Variants in GLT1D1 observed in about 807,000 individuals in gnomAD.
GLT1D1 encodes glycosyltransferase 1 domain-containing protein 1.
In GLT1D1, 21 loss-of-function variants were observed where a neutral mutation model predicts 28.7. The ratio of observed to expected loss-of-function variants is 0.73; its 90% CI spans 0.52 to 1.05. The LOEUF is 1.05. Ranked by LOEUF, GLT1D1 falls within the 50% of genes least tolerant of loss-of-function variation. The pLI, the probability that GLT1D1 is intolerant of heterozygous loss-of-function variation, is 0.00. For missense variants in GLT1D1, 343 were observed against 330.6 expected, an observed-to-expected ratio of 1.04 and a Z score of -0.29; for synonymous variants, 147 against 124.8, an observed-to-expected ratio of 1.18 and a Z score of -1.19.
intron 4 of GLT1D1, among the ~76,000 whole-genome samples, chr12:128,917,929 A>G (rs1422217424): frequency 6.6e-6 from 1 of 152,180 alleles, no homozygotes; most frequent in Non-Finnish European, 1.5e-5. Flanking sequence ...CCACAAAGAT[A>G]CTATTTGACC....
intron 6 of GLT1D1, among the ~76,000 whole-genome samples, chr12:128,947,907 G>A (rs1355994258): frequency 1.3e-5 from 2 of 152,224 alleles, no homozygotes; most frequent in Non-Finnish European, 2.9e-5. Context: ...GGAGACAGGG[G>A]CAGGGTAGTG....
intron 1 of GLT1D1, among the ~76,000 whole-genome samples, chr12:128,866,901 A>C (rs1956543050): frequency 6.6e-6 from 1 of 150,772 alleles, no homozygotes; most frequent in Admixed American, 6.6e-5. Flanking sequence ...GATTACAGGC[A>C]TGAGCCACTG....
intron 2 of GLT1D1, among the ~76,000 whole-genome samples, chr12:128,877,348 T>C (rs773089564): frequency 3.3e-5 from 5 of 152,192 alleles, no homozygotes; most frequent in Non-Finnish European, 5.9e-5. Flanking sequence ...AGGATTAAAT[T>C]TTGGTCAGCA....
chr12:128,939,848 C>CCG lies in GLT1D1; in HGVS notation c.376-5476_376-5475dup, dbSNP rs1874984807. ...CCAAATTGTTAGAAACCCCCCCCCA[C>CCG]CGCCGATCCAATCACCTCCTACCAG... On this transcript the variant is annotated intron_variant, in intron 4 of 7. Transcript: ENST00000281703. Among the ~76,000 whole-genome samples, 2 of 120,724 alleles carry CCG rather than the reference C, an allele frequency of 1.7e-5. 1 individual carries two copies. Among genetic ancestry groups the CCG allele is most frequent in the African/African-American group, 5.7e-5 (2 of 35,274 alleles). The allele number at this position is 120,724 out of a possible 152,430, so 79.2% of individuals were successfully genotyped here. A position where few individuals can be genotyped will look rare whatever the true frequency, so the allele number is the denominator to read the frequency against.
chr12:128,918,689 C>T (rs1872347710), intron 4 of GLT1D1, among the ~76,000 whole-genome samples: 1 of 152,216 alleles, frequency 6.6e-6, no homozygotes, highest in Non-Finnish European at 1.5e-5. Context: ...ATGTCAGTTA[C>T]ATGTACCATT....
At chr12:128,915,096 A>C in intron 4 of GLT1D1, 107 bp downstream of exon 6, 2 of 846,538 alleles carry the variant, frequency 2.4e-6, no homozygotes, top group Non-Finnish European at 3.7e-6. Context: ...TGTCAGAGAG[A>C]ACAAGGTTCA....
At position 128,853,621 on chromosome 12, in the gene GLT1D1, G is replaced by C. The variant is rs781523735; in HGVS notation, c.40G>C (p.Gly14Arg). The C allele has an allele frequency of 1.0e-4, 119 of 1,180,190 alleles. No homozygotes were observed. The highest frequency in any genetic ancestry group is 1.0e-4 in the Non-Finnish European group (96 of 943,164). 73.1% of individuals were successfully genotyped at this position (1,180,190 alleles called of 1,614,324 possible). A position where few individuals can be genotyped will look rare whatever the true frequency, so the allele number is the denominator to read the frequency against. Residue 14 changes from glycine to arginine, a missense_variant, in exon 1 of 8, where the codon GGC becomes CGC. Transcript: ENST00000281703. ...CCTGGCGGTGCTGCGGCCACACACC[G>C]GCAACGCGGTCACGGCCCAGCGCGT... is the stretch of plus-strand genomic sequence containing the variant.
At chr12:128,945,189 C>T in intron 4 of GLT1D1, 137 bp from the exon 9 acceptor site, 2 of 859,636 alleles carry the variant, frequency 2.3e-6, no homozygotes, top group Non-Finnish European at 2.0e-6. Context: ...CACGCAGCAG[C>T]CGCGAGGACA....
chr12:128,874,112 C>CTTCCTTTCTT lies in GLT1D1; in HGVS notation c.69-1801_69-1800insTCCTTTCTTT, dbSNP rs1297129528. 2.8e-4 allele frequency among the ~76,000 whole-genome samples: 16 copies of CTTCCTTTCTT among 57,808 alleles called. 1 individual carries two copies. Among genetic ancestry groups the CTTCCTTTCTT allele is most frequent in the African/African-American group, 1.2e-3 (14 of 11,700 alleles). The allele number at this position is 57,808 out of a possible 152,430, so 37.9% of individuals were successfully genotyped here. On this transcript the variant is annotated intron_variant, in intron 1 of 7. Transcript: ENST00000281703. ...TCTTTCTTTCTTTCTCTCTCTCTCT[C>CTTCCTTTCTT]TCTCTCTCTCTCTCTTTCTTTCTTT...
intron 6 of GLT1D1, among the ~76,000 whole-genome samples, chr12:128,948,958 A>G (rs567825016): frequency 1.3e-5 from 2 of 152,320 alleles, no homozygotes; most frequent in African/African-American, 4.8e-5. Flanking sequence ...TTCAGAGCAC[A>G]AAGTGTGAGT....
At chr12:128,887,494 T>TAC (rs58713965) in intron 2 of GLT1D1, among the ~76,000 whole-genome samples, 2,613 of 145,618 alleles carry the variant, frequency 0.018, 72 homozygotes, top group African/African-American at 0.06. Context: ...TCTATGTGAG[T>TAC]ACACACACAC....
intron 4 of GLT1D1, among the ~76,000 whole-genome samples, chr12:128,917,246 G>A (rs1872192519): frequency 6.6e-6 from 1 of 152,084 alleles, no homozygotes; most frequent in South Asian, 2.1e-4. Context: ...ACCAAGTAGT[G>A]TTAGTCAATA....
At chr12:128,890,376 A>G (rs375394086) in intron 3 of GLT1D1, among the ~76,000 whole-genome samples, 1 of 152,212 alleles carries the variant, frequency 6.6e-6, no homozygotes, top group Non-Finnish European at 1.5e-5. Context: ...TTGACAAGGC[A>G]TACTTAGAAA....
At chr12:128,853,997 G>A (rs115439639) in intron 1 of GLT1D1, among the ~76,000 whole-genome samples, 1,665 of 152,176 alleles carry the variant, frequency 0.011, 39 homozygotes, top group African/African-American at 0.038. Context: ...TGCGCAGCGG[G>A]GTCCGCGGAG....
At chr12:128,895,206 G>C (rs912492798) in intron 3 of GLT1D1, among the ~76,000 whole-genome samples, 1 of 152,018 alleles carries the variant, frequency 6.6e-6, no homozygotes, top group Non-Finnish European at 1.5e-5. Context: ...TAGAAACTAA[G>C]ATCTGTGCTT....
At chr12:128,973,107 T>C (rs1879351200) in intron 7 of GLT1D1, among the ~76,000 whole-genome samples, 2 of 151,886 alleles carry the variant, frequency 1.3e-5, no homozygotes, top group African/African-American at 2.4e-5. Flanking sequence ...TTCTATGAAC[T>C]TGACTTTTTA....
intron 7 of GLT1D1, among the ~76,000 whole-genome samples, chr12:128,966,165 G>C (rs911651659): frequency 3.3e-5 from 5 of 152,248 alleles, no homozygotes; most frequent in Non-Finnish European, 5.9e-5. Flanking sequence ...GAGCGGCTGG[G>C]AGTAGGAGTC....
At chr12:128,894,331 G>A (rs1869393944) in intron 3 of GLT1D1, among the ~76,000 whole-genome samples, 1 of 152,084 alleles carries the variant, frequency 6.6e-6, no homozygotes, top group African/African-American at 2.4e-5. Context: ...AGGGGAAGTG[G>A]GGCCTTCTGG....
chr12:128,880,730 T>G (rs1957012453), intron 2 of GLT1D1, among the ~76,000 whole-genome samples: 1 of 152,222 alleles, frequency 6.6e-6, no homozygotes, highest in Non-Finnish European at 1.5e-5. Flanking sequence ...ATATAGTTCT[T>G]ATTGATTTTT....
Sources: gnomAD v4.1 joint callset for allele counts (sites outside exome capture counted in the v4.1 genomes callset) on GRCh38, gnomAD v4.1.1 for gene constraint, MANE v1.5 for transcripts, NCBI Gene and HGNC (gene_info 2026-07-23, HGNC 2026-07-21) for gene names.